SYNE1: variants seen among roughly 807,000 people sequenced by gnomAD.
SYNE1 encodes the protein spectrin repeat containing nuclear envelope protein 1.
SYNE1 carries 616 observed loss-of-function variants against 1,111.0 expected under a neutral mutation model. The ratio of observed to expected loss-of-function variants is 0.55; its 90% CI spans 0.52 to 0.59. SYNE1 has a LOEUF of 0.59. Among genes scored for constraint, SYNE1 ranks in the 20% least tolerant of loss-of-function variants. The probability of loss-of-function intolerance (pLI) is 0.00; values close to 1 mark genes in which losing one functional copy is unlikely to be tolerated. For missense variants in SYNE1, 10,006 were observed against 10,417.0 expected (o/e 0.96, Z 1.72); for synonymous variants, 3,855 against 3,825.8 (o/e 1.01, Z -0.28).
rs192782566 is a variant in SYNE1 at position 152,302,657 on chromosome 6, C to A, written c.17347-594G>T. On this transcript the variant is annotated intron_variant, in intron 91 of 145. Coordinates refer to ENST00000367255, the MANE Select transcript of SYNE1 (RefSeq NM_182961.4). ...TCCCAATTTTTAATGCAGATTGACCCCCCAAAAAAATTTTGTATATTCATC... is the reference window on the plus strand; with the variant it reads ...TCCCAATTTTTAATGCAGATTGACCACCCAAAAAAATTTTGTATATTCATC... Among the ~76,000 whole-genome samples the A allele has an allele frequency of 5.4e-3, 824 of 152,206 alleles. 5 individuals are homozygous for A. Among genetic ancestry groups the A allele is most frequent in the Middle Eastern group, 6.8e-3 (2 of 294 alleles).
At chr6:152,335,975 C>A (rs990486231) in intron 76 of SYNE1, 1 of 151,762 alleles carries the variant, frequency 6.6e-6, no homozygotes, top group Non-Finnish European at 1.5e-5. Flanking sequence ...GCATGAGCCA[C>A]CACACCCGGC....
intron 21 of SYNE1, among the ~76,000 whole-genome samples, chr6:152,459,322 T>C (rs2098717267): frequency 6.6e-6 from 1 of 152,194 alleles, no homozygotes; most frequent in African/African-American, 2.4e-5. Context: ...TTATATTACC[T>C]AGACCAACCT....
At chr6:152,363,036 ATG>A (rs1304773059) in intron 63 of SYNE1, among the ~76,000 whole-genome samples, 7 of 150,850 alleles carry the variant, frequency 4.6e-5, no homozygotes, top group African/African-American at 1.2e-4. Flanking sequence ...CCCCGCCACC[ATG>A]CCCGGCTAAT....
chr6:152,564,214 C>G (rs753166334), intron 3 of SYNE1, among the ~76,000 whole-genome samples: 10 of 152,298 alleles, frequency 6.6e-5, no homozygotes, highest in African/African-American at 2.2e-4. Flanking sequence ...CAGTTGTAGC[C>G]TACTCATGCC....
rs2098713648 is a variant in SYNE1 at position 152,458,789 on chromosome 6, G to A, written c.2536C>T (p.Gln846Ter). The A allele has an allele frequency of 1.9e-6, 3 of 1,614,068 alleles. No individual in the cohort carries two copies. The highest frequency in any genetic ancestry group is 2.5e-6 in the Non-Finnish European group (3 of 1,179,970). ...EIITVLEREA[Q>*]SSALFKQKHQ... is the part of the protein sequence containing the mutation. ...TTTTGTTTAAAAAGGGCACTCGATT[G>A]TGCCTCACGCTCAAGAACTGTGATA... Residue 846 changes from glutamine (Q) to a stop codon, truncating the protein, a stop_gained, in exon 22 of 146, where the codon CAA becomes TAA. Transcript: ENST00000367255. LOFTEE classifies it high-confidence loss of function.
intron 125 of SYNE1, 68 bp downstream of exon 125, chr6:152,207,904 C>T (rs1262752889): frequency 2.6e-5 from 40 of 1,527,640 alleles, no homozygotes; most frequent in South Asian, 1.2e-4. Flanking sequence ...TTTGAAAAAC[C>T]GAGGCGAAGG....
chr6:152,244,687 CT>C, intron 105 of SYNE1, 31 bp from the exon 106 acceptor site: 1 of 1,613,396 alleles, frequency 6.2e-7, no homozygotes, highest in Non-Finnish European at 8.5e-7. Flanking sequence ...TTTATTAAAA[CT>C]CCCATGAACA....
chr6:152,629,880 C>G (rs1006886678), intron 2 of SYNE1, among the ~76,000 whole-genome samples: 2 of 151,938 alleles, frequency 1.3e-5, no homozygotes, highest in Non-Finnish European at 2.9e-5. Flanking sequence ...AAAGCTCATA[C>G]ATGTGAGATG....
Position 152,471,687 on chromosome 6 carries a change from T to C in SYNE1, c.1542A>G (p.Ser514=). 1 of 1,614,006 alleles carries C rather than the reference T, an allele frequency of 6.2e-7. No homozygotes were observed. Among genetic ancestry groups the C allele is most frequent in the East Asian group, 2.2e-5 (1 of 44,872 alleles). The change falls in exon 16 of 146, where the codon TCA becomes TCG. Residue 514 remains serine (S), a synonymous_variant. Transcript: ENST00000367255. ...EFLELKYRLL[S]LLVLAESKLK... is the part of the protein sequence containing the mutation. ...GCTTTGACTCTGCAAGAACCAGCAGTGAGAGCAGACGGTACTTTAATTCTA... is the reference window on the plus strand; with the variant it reads ...GCTTTGACTCTGCAAGAACCAGCAGCGAGAGCAGACGGTACTTTAATTCTA...
Position 152,421,816 on chromosome 6 carries a change from C to T in SYNE1, c.5268-2094G>A, listed in dbSNP as rs578227702. On this transcript the variant is annotated intron_variant, in intron 39 of 145. Transcript: ENST00000367255. ...TGCCTCCCAGATTCAAGAGATTCTC[C>T]TGCCTCAGCCTCCTGTGTAGCTGGG... Among the ~76,000 whole-genome samples, 401 of 152,050 alleles carry T rather than the reference C, an allele frequency of 2.6e-3. 3 individuals are homozygous for T. Among genetic ancestry groups the T allele is most frequent in the Non-Finnish European group, 4.1e-3 (282 of 67,972 alleles).
chr6:152,407,211 G>A lies in SYNE1; in HGVS notation c.6541-15C>T. ...TTCTCTGATACCTAGGAGAGAAACA[G>A]AAGCCATGGCATTCATAGTCAGAGG... On this transcript the variant is annotated splice_polypyrimidine_tract_variant and intron_variant, in intron 44 of 145. Coordinates refer to ENST00000367255, the MANE Select transcript of SYNE1 (RefSeq NM_182961.4). 1.2e-6 allele frequency: 2 copies of A among 1,613,142 alleles called. No homozygotes were observed. The highest frequency in any genetic ancestry group is 2.2e-5 in the East Asian group (1 of 44,846).
intron 76 of SYNE1, among the ~76,000 whole-genome samples, chr6:152,334,933 G>C (rs1433290317): frequency 6.6e-6 from 1 of 152,150 alleles, no homozygotes; most frequent in Non-Finnish European, 1.5e-5. Context: ...AAAGTAGCTT[G>C]GGTCACCAGG....
intron 4 of SYNE1, among the ~76,000 whole-genome samples, chr6:152,535,236 A>G (rs932641231): frequency 2.1e-4 from 32 of 152,298 alleles, no homozygotes; most frequent in African/African-American, 7.7e-4. Context: ...AGTCTCCAGA[A>G]CTCTGAGATA....
intron 106 of SYNE1, among the ~76,000 whole-genome samples, chr6:152,242,817 G>A (rs1464678079): frequency 6.6e-6 from 1 of 151,734 alleles, no homozygotes; most frequent in Non-Finnish European, 1.5e-5. Context: ...AAAAAAAACT[G>A]AATTCATAAA....
rs906049940 is a variant in SYNE1, at chr6:152,189,181, C to T, written c.23301+71G>A. 3 of 1,556,398 alleles carry T rather than the reference C, an allele frequency of 1.9e-6. No homozygotes were observed. In the Admixed American group the frequency reaches 5.0e-5, roughly 26 times the overall value. ...GGGCCGGGTCCACATGTGGGTTAAC[C>T]CATCTGACGTTCAAATTCATCTCCC... On this transcript the variant is annotated intron_variant, in intron 128 of 145. Coordinates refer to ENST00000367255, the MANE Select transcript of SYNE1 (RefSeq NM_182961.4).
At chr6:152,624,791 T>C (rs536783878) in intron 3 of SYNE1, among the ~76,000 whole-genome samples, 1 of 152,336 alleles carries the variant, frequency 6.6e-6, no homozygotes, top group African/African-American at 2.4e-5. Context: ...GAATGGCTAC[T>C]GTTGCAGCTA....
intron 87 of SYNE1, among the ~76,000 whole-genome samples, chr6:152,312,084 G>A (rs2095570321): frequency 1.3e-5 from 2 of 151,854 alleles, no homozygotes; most frequent in South Asian, 4.2e-4. Flanking sequence ...GCGCACAGCC[G>A]GCGATAGACT....
chr6:152,603,876 C>A (rs2099603154), intron 3 of SYNE1, among the ~76,000 whole-genome samples: 1 of 134,348 alleles, frequency 7.4e-6, no homozygotes, highest in African/African-American at 2.9e-5. Flanking sequence ...GATATACTAT[C>A]TATCTATACA....
At chr6:152,512,408 GA>G (rs2099089455) in intron 6 of SYNE1, among the ~76,000 whole-genome samples, 1 of 152,012 alleles carries the variant, frequency 6.6e-6, no homozygotes, top group Admixed American at 6.6e-5. Flanking sequence ...TTTTATGAAA[GA>G]ATCTACTATG....
Sources: allele counts gnomAD v4.1 joint callset (sites outside exome capture counted in the v4.1 genomes callset), GRCh38; gene constraint gnomAD v4.1.1; transcripts MANE v1.5; gene names NCBI Gene and HGNC (gene_info 2026-07-23, HGNC 2026-07-21).